The following TNFRSF11B variants were observed in gnomAD, a reference collection of about 807,000 sequenced individuals.
The protein encoded by TNFRSF11B is tumor necrosis factor receptor superfamily member 11B.
TNFRSF11B carries 16 observed loss-of-function variants against 43.4 expected under a neutral mutation model. The ratio of observed to expected loss-of-function variants is 0.37; its 90% CI spans 0.25 to 0.56. The LOEUF (loss-of-function observed/expected upper bound fraction) is 0.56, where lower values mean the gene tolerates loss of function less well. TNFRSF11B is among the 20% of genes least tolerant of loss of function. The probability of loss-of-function intolerance (pLI) is 0.80; values close to 1 mark genes in which losing one functional copy is unlikely to be tolerated. For missense variants in TNFRSF11B, 444 were observed against 490.1 expected, an observed-to-expected ratio of 0.91 and a Z score of 0.89; for synonymous variants, 185 against 181.8, an observed-to-expected ratio of 1.02 and a Z score of -0.14.
intron 1 of TNFRSF11B, among the ~76,000 whole-genome samples, chr8:118,943,450 T>C (rs533985161): frequency 1.3e-5 from 2 of 152,252 alleles, no homozygotes; most frequent in African/African-American, 4.8e-5. Context: ...TGGAAAACTC[T>C]GGGTTCAGGG....
At chr8:118,937,741 C>A (rs1261421698) in intron 1 of TNFRSF11B, among the ~76,000 whole-genome samples, 1 of 152,040 alleles carries the variant, frequency 6.6e-6, no homozygotes, top group Non-Finnish European at 1.5e-5. Context: ...ACTGTTAAAA[C>A]AGGGAAAACA....
intron 1 of TNFRSF11B, among the ~76,000 whole-genome samples, chr8:118,949,583 C>A (rs975669135): frequency 1.3e-5 from 2 of 152,158 alleles, no homozygotes; most frequent in African/African-American, 4.8e-5. Flanking sequence ...ATTTTTGGTC[C>A]ACATGATAAC....
At chr8:118,926,442 TA>T (rs1341924886) in intron 4 of TNFRSF11B, 51 bp downstream of exon 4, 5 of 1,467,858 alleles carry the variant, frequency 3.4e-6, no homozygotes, top group Non-Finnish European at 4.8e-6. Flanking sequence ...TGGTTTATGA[TA>T]AATAGGTGTC....
intron 1 of TNFRSF11B, among the ~76,000 whole-genome samples, chr8:118,939,680 A>G (rs571485522): frequency 2.6e-5 from 4 of 152,226 alleles, no homozygotes; most frequent in Non-Finnish European, 5.9e-5. Context: ...TGGAACATCT[A>G]TCTGCCTTCT....
rs189459393 is a variant in TNFRSF11B, at chr8:118,947,416, T to C, written c.30+4376A>G. Among the ~76,000 whole-genome samples the C allele has an allele frequency of 1.1e-4, 17 of 152,312 alleles. No homozygotes were observed. In the East Asian group the frequency reaches 2.3e-3, roughly 21 times the overall value. The stretch of plus-strand genomic sequence containing the variant: ...GCTACAAATGAACAAGATGAAAATC[T>C]GCGCTTGCAAAGAGCCCATACTTTG... On this transcript the variant is annotated intron_variant, in intron 1 of 4. Transcript: ENST00000297350.
At chr8:118,930,706 C>G (rs1339806362) in intron 2 of TNFRSF11B, 3 of 445,234 alleles carry the variant, frequency 6.7e-6, no homozygotes, top group Non-Finnish European at 1.4e-5. Context: ...GCCACCGTGC[C>G]GGGCCTAAGA....
At chr8:118,928,709 T>A in intron 3 of TNFRSF11B, 29 bp downstream of exon 3, 1 of 1,609,652 alleles carries the variant, frequency 6.2e-7, no homozygotes, top group Non-Finnish European at 8.5e-7. Flanking sequence ...TACAAAATCG[T>A]ACAAAGACGT....
chr8:118,927,208 T>G (rs1373627985), intron 3 of TNFRSF11B, among the ~76,000 whole-genome samples: 4 of 152,198 alleles, frequency 2.6e-5, no homozygotes, highest in Admixed American at 2.6e-4. Flanking sequence ...GATACAGATA[T>G]ATAAGTAGAC....
At chr8:118,932,853 CAA>C in intron 2 of TNFRSF11B, 76 bp downstream of exon 2, 4 of 1,592,118 alleles carry the variant, frequency 2.5e-6, no homozygotes, top group Non-Finnish European at 3.4e-6. Flanking sequence ...GTCATCAGAA[CAA>C]AAGTGTTCTC....
Position 118,924,675 on chromosome 8 carries a change from A to G in TNFRSF11B, c.905T>C (p.Leu302Ser). 6.2e-7 allele frequency: 1 copy of G among 1,614,056 alleles called. No homozygotes were observed. The highest frequency in any genetic ancestry group is 1.1e-5 in the South Asian group (1 of 91,076). ...FEQLRSLMES[L>S]PGKKVGAEDI... The stretch of plus-strand genomic sequence containing the variant: ...TTCTGCTCCCACTTTCTTTCCCGGT[A>G]AGCTTTCCATCAAGCTACGAAGCTG... Residue 302 changes from leucine to serine, a missense_variant, in exon 5 of 5, where the codon TTA (leucine) becomes TCA (serine). Physicochemically the swap from Leu to Ser is moderately radical, Grantham distance 145 (BLOSUM62 -2). Transcript: ENST00000297350.
intron 2 of TNFRSF11B, among the ~76,000 whole-genome samples, chr8:118,932,542 G>A (rs538237718): frequency 4.6e-5 from 7 of 151,938 alleles, no homozygotes; most frequent in Admixed American, 6.6e-5. Context: ...TTACTCTCTT[G>A]GTATAAATTA....
rs1812349251 is a variant in TNFRSF11B, at chr8:118,932,937, G to T, written c.394C>A (p.Gln132Lys). Reference protein sequence around the residue: ...RSCPPGFGVVQAGTPERNTVC... With the variant: ...RSCPPGFGVVKAGTPERNTVC... ...GCTGCACATTGACACGTACCAGCTT[G>T]CACCACTCCAAATCCAGGAGGGCAG... Residue 132 changes from glutamine to lysine, a missense_variant, in exon 2 of 5, where the codon CAA becomes AAA. By Grantham distance (53) the Gln-to-Lys change is moderately conservative (BLOSUM62 1). Transcript: ENST00000297350. 1 of 1,614,036 alleles carries T rather than the reference G, an allele frequency of 6.2e-7. No individual in the cohort carries two copies. The highest frequency in any genetic ancestry group is 8.5e-7 in the Non-Finnish European group (1 of 1,180,046).
chr8:118,951,379 TACTC>T (rs1436481890), intron 1 of TNFRSF11B, among the ~76,000 whole-genome samples: 2 of 152,192 alleles, frequency 1.3e-5, no homozygotes, highest in Non-Finnish European at 2.9e-5. Flanking sequence ...TCTTCCAACT[TACTC>T]TGAATCTAAG....
chr8:118,948,792 CA>C (rs35629647), intron 1 of TNFRSF11B, among the ~76,000 whole-genome samples: 7 of 150,020 alleles, frequency 4.7e-5, no homozygotes, highest in Admixed American at 1.3e-4. Context: ...AACAAACAAA[CA>C]AAAAAAAACT....
intron 1 of TNFRSF11B, among the ~76,000 whole-genome samples, chr8:118,939,567 A>G (rs1399797925): frequency 6.6e-6 from 1 of 152,154 alleles, no homozygotes; most frequent in African/African-American, 2.4e-5. Context: ...GAAGCAATCG[A>G]AGAGCACATC....
rs763694902 is a variant in TNFRSF11B at position 118,926,704 on chromosome 8, C to G, written c.607G>C (p.Glu203Gln). 1.2e-6 allele frequency: 2 copies of G among 1,613,792 alleles called. No individual in the cohort carries two copies. The highest frequency in any genetic ancestry group is 3.3e-5 in the Admixed American group (2 of 59,962). Residue 203 changes from glutamate to glutamine, a missense_variant, in exon 4 of 5, where the codon GAG becomes CAG. Physicochemically the swap from Glu to Gln is conservative, Grantham distance 29. Transcript: ENST00000297350. ...QKCGIDVTLC[E>Q]EAFFRFAVPT... ...ACAGCAAACCTGAAGAATGCCTCCT[C>G]ACACAGGGTAACATCTAAAGAAAGG...
chr8:118,924,230 C>T lies in TNFRSF11B; in HGVS notation c.*144G>A, dbSNP rs1468131981. 2 of 845,978 alleles carry T rather than the reference C, an allele frequency of 2.4e-6. No individual in the cohort carries two copies. Among genetic ancestry groups the T allele is most frequent in the African/African-American group, 1.7e-5 (1 of 59,418 alleles). The allele number at this position is 845,978 out of a possible 1,614,324, so 52.4% of individuals were successfully genotyped here. A position where few individuals can be genotyped will look rare whatever the true frequency, so the allele number is the denominator to read the frequency against. On this transcript the variant is annotated 3_prime_UTR_variant, in exon 5 of 5. Coordinates refer to ENST00000297350, the MANE Select transcript of TNFRSF11B (RefSeq NM_002546.4). ...GGAGATGTTAGTCCTTTCTCCACAT[C>T]ATAGTTTCTTTTAGTACCCTGTGGC...
At chr8:118,928,709 TACAAAG>T (rs748104294) in intron 3 of TNFRSF11B, 23 bp downstream of exon 3, 2 of 1,609,534 alleles carry the variant, frequency 1.2e-6, no homozygotes, top group Non-Finnish European at 1.7e-6. Flanking sequence ...TACAAAATCG[TACAAAG>T]ACGTATTTTG....
intron 1 of TNFRSF11B, among the ~76,000 whole-genome samples, chr8:118,948,842 T>G (rs1287396693): frequency 6.7e-6 from 1 of 149,356 alleles, no homozygotes; most frequent in African/African-American, 2.5e-5. Flanking sequence ...AAAATAACAA[T>G]AAAACAACAA....
Sources: allele counts gnomAD v4.1 joint callset (sites outside exome capture counted in the v4.1 genomes callset), GRCh38; gene constraint gnomAD v4.1.1; transcripts MANE v1.5; gene names NCBI Gene and HGNC (gene_info 2026-07-23, HGNC 2026-07-21).